NEBL: variants seen among roughly 807,000 people sequenced by gnomAD.
NEBL encodes the protein LIM and SH3 protein 2.
In NEBL, 122 loss-of-function variants were observed where a neutral mutation model predicts 140.2. The observed-to-expected ratio is 0.87, with a 90% CI of 0.75 to 1.01. The LOEUF (loss-of-function observed/expected upper bound fraction) is 1.01. NEBL is among the 50% of genes least tolerant of loss of function. The probability of loss-of-function intolerance (pLI) is 0.00; values close to 1 mark genes in which losing one functional copy is unlikely to be tolerated. For synonymous variants in NEBL, 436 were observed against 398.9 expected, an observed-to-expected ratio of 1.09 and a Z score of -1.11; for missense variants, 1,365 against 1,231.3, an observed-to-expected ratio of 1.11 and a Z score of -1.62.
At chr10:21,011,033 G>T (rs1021131498) in intron 3 of NEBL, among the ~76,000 whole-genome samples, 7 of 152,038 alleles carry the variant, frequency 4.6e-5, no homozygotes, top group Non-Finnish European at 8.8e-5. Context: ...TGGCAGAAAA[G>T]AAAAAATAAT....
At chr10:20,790,686 C>T (rs928144447) in intron 26 of NEBL, among the ~76,000 whole-genome samples, 2 of 151,278 alleles carry the variant, frequency 1.3e-5, no homozygotes, top group East Asian at 3.9e-4. Context: ...TAAAAGCAAA[C>T]AGCAATTTAA....
chr10:21,186,829 G>A (rs1250633485), intron 3 of NEBL, among the ~76,000 whole-genome samples: 11 of 151,904 alleles, frequency 7.2e-5, no homozygotes, highest in African/African-American at 2.2e-4. Context: ...TAAAAGCCAC[G>A]TAAATAGTTG....
intron 2 of NEBL, among the ~76,000 whole-genome samples, chr10:21,068,846 T>C (rs1835683350): frequency 6.6e-6 from 1 of 152,220 alleles, no homozygotes; most frequent in South Asian, 2.1e-4. Flanking sequence ...ATTCCTCCGA[T>C]GCTTATTACA....
intron 3 of NEBL, among the ~76,000 whole-genome samples, chr10:21,011,686 G>T (rs1564479504): frequency 6.6e-6 from 1 of 151,982 alleles, no homozygotes. Flanking sequence ...GGCATCTGTT[G>T]GCATCTGTGG....
upstream of NEBL, among the ~76,000 whole-genome samples, chr10:20,898,297 C>T (rs1403201725): frequency 2.6e-5 from 4 of 152,064 alleles, no homozygotes; most frequent in African/African-American, 9.7e-5. Flanking sequence ...CAAGTCATAG[C>T]ACATTAGCAT....
chr10:21,253,004 G>A (rs1842606342), intron 1 of NEBL, among the ~76,000 whole-genome samples: 1 of 152,302 alleles, frequency 6.6e-6, no homozygotes, highest in East Asian at 1.9e-4. Context: ...GCTAACGCCT[G>A]TAATCCCAGC....
intron 3 of NEBL, among the ~76,000 whole-genome samples, chr10:21,005,452 T>C (rs1162775067): frequency 2.0e-5 from 3 of 152,206 alleles, no homozygotes; most frequent in African/African-American, 7.2e-5. Context: ...AACCATTATC[T>C]GGCCAGGCAC....
chr10:21,214,960 G>T (rs917526897), intron 3 of NEBL, among the ~76,000 whole-genome samples: 1 of 152,130 alleles, frequency 6.6e-6, no homozygotes, highest in South Asian at 2.1e-4. Flanking sequence ...CCCTGCCGGG[G>T]AGGAGCAATA....
intron 26 of NEBL, among the ~76,000 whole-genome samples, chr10:20,790,903 A>G (rs1354504687): frequency 6.6e-6 from 1 of 152,234 alleles, no homozygotes; most frequent in African/African-American, 2.4e-5. Flanking sequence ...GTAAGATGTC[A>G]GGTTCATTTG....
chr10:20,787,294 C>T lies in NEBL; in HGVS notation c.2776G>A (p.Gly926Arg), dbSNP rs754463343. ...TGGGAATGGCTTTGCTGATAGGCTC[C>T]GGGAAGAACAGGTGCTGCATGTTAA... The part of the protein sequence containing the change: ...PSDEGAPVLP[G>R]AYQQSHSQGY... The change falls in exon 27 of 28, where the codon GGA becomes AGA. Residue 926 changes from glycine (G) to arginine (R), a missense_variant. Transcript: ENST00000377122. 1 of 1,612,806 alleles carries T rather than the reference C, an allele frequency of 6.2e-7. No individual in the cohort carries two copies. The highest frequency in any genetic ancestry group is 8.5e-7 in the Non-Finnish European group (1 of 1,179,322).
intron 7 of NEBL, among the ~76,000 whole-genome samples, 192 bp from the exon 8 acceptor site, chr10:20,860,018 A>G (rs1225440936): frequency 6.6e-6 from 1 of 152,138 alleles, no homozygotes; most frequent in Non-Finnish European, 1.5e-5. Flanking sequence ...CTGCTTCTAC[A>G]TTGATCACAA....
chr10:21,103,420 A>T (rs1053748954), intron 2 of NEBL, among the ~76,000 whole-genome samples: 1 of 152,130 alleles, frequency 6.6e-6, no homozygotes, highest in Non-Finnish European at 1.5e-5. Flanking sequence ...TCACCATGTT[A>T]GCCAGTATGG....
rs1388173638 is a variant in NEBL at position 21,173,080 on chromosome 10, T to A, written c.70-603A>T. 2.6e-5 allele frequency among the ~76,000 whole-genome samples: 4 copies of A among 152,216 alleles called. No individual in the cohort carries two copies. In the East Asian group the frequency reaches 7.8e-4, roughly 30 times the overall value. ...CTGGCTGGTTTCAACTGTCAGTCAC[T>A]CCGGATCGCTCCTGGGTGTCTCTCT... On this transcript the variant is annotated intron_variant, in intron 1 of 6. Transcript: ENST00000417816. The surrounding 1 kb of genome is among the most constrained non-coding windows in gnomAD (Gnocchi z 5.7).
chr10:21,070,360 A>T (rs2131901875), intron 2 of NEBL, among the ~76,000 whole-genome samples: 1 of 152,288 alleles, frequency 6.6e-6, no homozygotes, highest in Non-Finnish European at 1.5e-5. Flanking sequence ...GGTTAAAATT[A>T]ATGACAGATT....
At chr10:20,887,234 T>C (rs963249867) in intron 4 of NEBL, among the ~76,000 whole-genome samples, 4 of 92,062 alleles carry the variant, frequency 4.3e-5, no homozygotes, top group African/African-American at 1.3e-4. Flanking sequence ...TGAGTTTACC[T>C]GATGACAATT....
chr10:21,156,896 A>G (rs142063402), intron 2 of NEBL, among the ~76,000 whole-genome samples: 269 of 152,356 alleles, frequency 1.8e-3, no homozygotes, highest in African/African-American at 5.9e-3. Context: ...TCTTTTTAAA[A>G]TAAAACAAGA....
intron 2 of NEBL, among the ~76,000 whole-genome samples, chr10:21,037,638 G>C (rs1834069403): frequency 1.3e-5 from 2 of 151,912 alleles, no homozygotes; most frequent in Non-Finnish European, 2.9e-5. Flanking sequence ...TCAACTATAT[G>C]GGTTTGTCAA....
intron 23 of NEBL, among the ~76,000 whole-genome samples, chr10:20,813,158 C>A (rs573996740): frequency 3.3e-5 from 5 of 151,198 alleles, no homozygotes; most frequent in African/African-American, 1.2e-4. Context: ...CATTATAGCT[C>A]ATATCTATTT....
intron 16 of NEBL, 29 bp downstream of exon 16, chr10:20,831,167 G>A (rs375001683): frequency 2.4e-4 from 352 of 1,454,276 alleles, no homozygotes; most frequent in Admixed American, 1.1e-3. Flanking sequence ...TGGAATACAC[G>A]ATTCTGAGCA....
Sources: allele counts gnomAD v4.1 joint callset (sites outside exome capture counted in the v4.1 genomes callset), GRCh38; gene constraint gnomAD v4.1.1; non-coding constraint Gnocchi (gnomAD v3.1); transcripts MANE v1.5; gene names NCBI Gene and HGNC (gene_info 2026-07-23, HGNC 2026-07-21).